The following CPVL variants were observed in gnomAD, a reference collection of about 807,000 sequenced individuals.
CPVL encodes carboxypeptidase vitellogenic like.
A neutral mutation model predicts 63.7 loss-of-function variants in CPVL; 51 were observed. The ratio of observed to expected loss-of-function variants is 0.80; its 90% CI spans 0.64 to 1.01. CPVL has a LOEUF of 1.01. Ranked by LOEUF, CPVL falls within the 50% of genes least tolerant of loss-of-function variation. The pLI, the probability that CPVL is intolerant of heterozygous loss-of-function variation, is 0.00. For synonymous variants in CPVL, 195 were observed against 206.0 expected (o/e 0.95, Z 0.46); for missense variants, 530 against 573.1 (o/e 0.92, Z 0.77).
intron 5 of CPVL, among the ~76,000 whole-genome samples, chr7:29,160,791 C>T (rs1255316464): frequency 6.6e-6 from 1 of 152,168 alleles, no homozygotes; most frequent in Non-Finnish European, 1.5e-5. Context: ...ATCTAACAAA[C>T]CCACCCTGAG....
intron 1 of CPVL, among the ~76,000 whole-genome samples, chr7:29,188,057 CAGGGGGGTGGTAGGG>C (rs1798934635): frequency 6.6e-6 from 1 of 152,116 alleles, no homozygotes; most frequent in South Asian, 2.1e-4. Context: ...GGTGATGTAA[CAGGGGGGTGGTAGGG>C]AGAGATGAAA....
At chr7:29,092,975 T>G (rs1785981458) in intron 5 of CPVL, among the ~76,000 whole-genome samples, 1 of 152,160 alleles carries the variant, frequency 6.6e-6, no homozygotes, top group Admixed American at 6.5e-5. Flanking sequence ...GTGGAGACCC[T>G]GCCAGATGTT....
chr7:29,055,742 C>G (rs930939113), intron 11 of CPVL, among the ~76,000 whole-genome samples: 1 of 152,240 alleles, frequency 6.6e-6, no homozygotes, highest in Non-Finnish European at 1.5e-5. Flanking sequence ...CAGGGCCACC[C>G]TGCCTTATTG....
At chr7:29,161,767 T>A (rs1010771724) in intron 5 of CPVL, among the ~76,000 whole-genome samples, 10 of 152,194 alleles carry the variant, frequency 6.6e-5, no homozygotes, top group African/African-American at 2.4e-4. Flanking sequence ...GAAGAAAATA[T>A]TTGCAAATCA....
chr7:29,140,166 A>G (rs1168498467), intron 1 of CPVL, among the ~76,000 whole-genome samples: 1 of 152,184 alleles, frequency 6.6e-6, no homozygotes, highest in Non-Finnish European at 1.5e-5. Context: ...TCGGCTGGAC[A>G]CAGTGGCTCA....
chr7:29,154,322 G>A (rs543369310), intron 5 of CPVL, among the ~76,000 whole-genome samples: 5 of 152,178 alleles, frequency 3.3e-5, no homozygotes, highest in Non-Finnish European at 5.9e-5. Flanking sequence ...CCATTCGTAT[G>A]CAGTGAATCA....
chr7:29,069,470 AGTT>A (rs1434947999), intron 9 of CPVL, among the ~76,000 whole-genome samples: 1 of 150,456 alleles, frequency 6.6e-6, no homozygotes, highest in African/African-American at 2.4e-5. Flanking sequence ...AGAAAAAGTC[AGTT>A]GTTGTCAAAA....
chr7:29,018,524 G>A (rs529675273), intron 12 of CPVL, among the ~76,000 whole-genome samples: 11 of 151,942 alleles, frequency 7.2e-5, no homozygotes, highest in African/African-American at 1.4e-4. Flanking sequence ...GATTACAGGC[G>A]TGTGCCACCA....
At chr7:29,046,374 G>A (rs1038673759) in intron 11 of CPVL, among the ~76,000 whole-genome samples, 12 of 152,186 alleles carry the variant, frequency 7.9e-5, no homozygotes, top group Non-Finnish European at 1.3e-4. Context: ...GTCAGCCACC[G>A]CGCCCGACCA....
intron 10 of CPVL, among the ~76,000 whole-genome samples, chr7:29,065,538 A>G (rs1783054295): frequency 6.6e-6 from 1 of 152,250 alleles, no homozygotes. Flanking sequence ...AATATTCCAG[A>G]AGGCTTGAAG....
chr7:29,090,401 T>C (rs1785646960), intron 6 of CPVL, among the ~76,000 whole-genome samples: 1 of 152,256 alleles, frequency 6.6e-6, no homozygotes, highest in Non-Finnish European at 1.5e-5. Flanking sequence ...ATAGGAAGCC[T>C]GCTTCCTAGC....
chr7:29,086,603 A>G (rs1400996502), intron 6 of CPVL, 53 bp from the exon 7 acceptor site: 2 of 1,289,080 alleles, frequency 1.6e-6, no homozygotes, highest in African/African-American at 1.5e-5. Flanking sequence ...ATGATTCAGG[A>G]TCTCTTCATG....
At position 29,064,048 on chromosome 7, in the gene CPVL, G is replaced by T. The variant is rs751306601; in HGVS notation, c.1137+13C>A. ...GAAAGTTCCTAAAATAGTAACTGAA[G>T]TAGCTCTCTTACCTTATAATTATTC... On this transcript the variant is annotated intron_variant, in intron 11 of 12. Transcript: ENST00000265394. 6.3e-7 allele frequency: 1 copy of T among 1,581,182 alleles called. No individual in the cohort carries two copies. The highest frequency in any genetic ancestry group is 1.1e-5 in the South Asian group (1 of 89,616).
At chr7:29,022,788 A>G (rs317739) in intron 12 of CPVL, among the ~76,000 whole-genome samples, 65,929 of 152,186 alleles carry the variant, frequency 0.43, 15,585 homozygotes, top group African/African-American at 0.63. Context: ...GGCATTGTCC[A>G]GAGGCCTGGG....
chr7:29,188,968 A>G (rs1048795221), intron 1 of CPVL, among the ~76,000 whole-genome samples: 9 of 93,522 alleles, frequency 9.6e-5, no homozygotes, highest in African/African-American at 1.4e-4. Context: ...TTTTTTTTTG[A>G]GACAGAATCT....
At chr7:29,070,254 A>G (rs539039105) in intron 9 of CPVL, among the ~76,000 whole-genome samples, 1 of 152,262 alleles carries the variant, frequency 6.6e-6, no homozygotes, top group African/African-American at 2.4e-5. Context: ...TGAATACACA[A>G]CACACCTGAA....
intron 5 of CPVL, among the ~76,000 whole-genome samples, chr7:29,152,067 A>G (rs1477364750): frequency 6.6e-6 from 1 of 152,192 alleles, no homozygotes; most frequent in South Asian, 2.1e-4. Context: ...TATTGTGCCT[A>G]TGAAGAGTTG....
intron 1 of CPVL, chr7:29,126,194 T>C (rs1016084790): frequency 1.1e-4 from 16 of 152,242 alleles, no homozygotes; most frequent in Non-Finnish European, 1.8e-4. Flanking sequence ...ATTACACATA[T>C]GATGATTTGC....
chr7:29,146,487 C>T lies in CPVL; in HGVS notation c.-69G>A. On this transcript the variant is annotated 5_prime_UTR_variant, in exon 1 of 13. Transcript: ENST00000265394. ...CGCGCAAGGACCCCAGCCGGTTGTC[C>T]TTGCAGCGCTTCCCAAATCAGGCAG... is the stretch of plus-strand genomic sequence containing the variant. 2 of 1,449,704 alleles carry T rather than the reference C, an allele frequency of 1.4e-6. No individual in the cohort carries two copies. The highest frequency in any genetic ancestry group is 2.5e-5 in the East Asian group (1 of 40,070). 89.8% of individuals were successfully genotyped at this position (1,449,704 alleles called of 1,614,324 possible). A position where few individuals can be genotyped will look rare whatever the true frequency, so the allele number is the denominator to read the frequency against.
Sources: gnomAD v4.1 joint callset for allele counts (sites outside exome capture counted in the v4.1 genomes callset) on GRCh38, gnomAD v4.1.1 for gene constraint, MANE v1.5 for transcripts, NCBI Gene and HGNC (gene_info 2026-07-23, HGNC 2026-07-21) for gene names.